Variants in FBN1 observed in about 807,000 individuals in gnomAD.
FBN1 encodes fibrillin 1, also known as fibrillin-1.
A neutral mutation model predicts 365.1 loss-of-function variants in FBN1; 29 were observed. The observed-to-expected ratio is 0.08, with a 90% CI of 0.06 to 0.11. The LOEUF is 0.11. Ranked by LOEUF, FBN1 falls within the 10% of genes least tolerant of loss-of-function variation. The pLI is 1.00. For synonymous variants in FBN1, 1,210 were observed against 1,270.5 expected (o/e 0.95, Z 1.01); for missense variants, 2,476 against 3,703.2 (o/e 0.67, Z 8.60).
intron 60 of FBN1, among the ~76,000 whole-genome samples, chr15:48,422,636 C>G (rs1342727135): frequency 6.6e-6 from 1 of 152,192 alleles, no homozygotes; most frequent in Non-Finnish European, 1.5e-5. Flanking sequence ...AGGAAAAATT[C>G]ATTTTAATAG....
At chr15:48,526,827 T>G (rs868367289) in intron 8 of FBN1, among the ~76,000 whole-genome samples, 5 of 152,204 alleles carry the variant, frequency 3.3e-5, no homozygotes, top group African/African-American at 1.2e-4. Context: ...CTGGGTGCCC[T>G]AACCAACGTC....
intron 15 of FBN1, among the ~76,000 whole-genome samples, chr15:48,507,402 T>G (rs1219878964): frequency 6.6e-6 from 1 of 152,212 alleles, no homozygotes; most frequent in Non-Finnish European, 1.5e-5. Context: ...TCTTCTCATA[T>G]AAGTTCCTCC....
At chr15:48,446,585 T>C (rs554835404) in intron 47 of FBN1, 121 bp downstream of exon 47, 5 of 751,160 alleles carry the variant, frequency 6.7e-6, no homozygotes, top group South Asian at 2.8e-5. Flanking sequence ...CCATAACCAA[T>C]TGTTATGCAT....
intron 6 of FBN1, among the ~76,000 whole-genome samples, chr15:48,593,058 T>A (rs74012209): frequency 0.014 from 2,162 of 152,316 alleles, 48 homozygotes; most frequent in African/African-American, 0.05. Flanking sequence ...CAAGTAAGAC[T>A]AATTGCTTTA....
intron 2 of FBN1, among the ~76,000 whole-genome samples, chr15:48,640,809 C>T (rs987353833): frequency 6.6e-6 from 1 of 152,000 alleles, no homozygotes; most frequent in Non-Finnish European, 1.5e-5. Context: ...TGACAGGAAA[C>T]AGTAATATTT....
At chr15:48,604,114 A>G (rs1321184502) in intron 4 of FBN1, among the ~76,000 whole-genome samples, 1 of 148,306 alleles carries the variant, frequency 6.7e-6, no homozygotes, top group African/African-American at 2.7e-5. Flanking sequence ...ATTCATCAGA[A>G]AAGAACAATG....
At chr15:48,457,273 G>A (rs770992311) in intron 43 of FBN1, among the ~76,000 whole-genome samples, 3 of 152,144 alleles carry the variant, frequency 2.0e-5, no homozygotes, top group Non-Finnish European at 4.4e-5. Flanking sequence ...TGTCAGCTGG[G>A]CTGGGGCTGA....
At chr15:48,634,442 T>C (rs778442356) in intron 2 of FBN1, among the ~76,000 whole-genome samples, 15 of 151,726 alleles carry the variant, frequency 9.9e-5, no homozygotes, top group Admixed American at 2.6e-4. Flanking sequence ...AGTGAAGGGG[T>C]TGTCATCAAT....
At position 48,495,222 on chromosome 15, in the gene FBN1, C is replaced by T; in HGVS notation, c.2578G>A (p.Gly860Arg). Reference protein sequence around the residue: ...KGTCWQTVIDGRCEININGAT... With the variant: ...KGTCWQTVIDRRCEININGAT... ...CCATTGATGTTGATCTCACATCGCC[C>T]ATCAATGACAGTCTGCCAGCAAGTG... The change falls in exon 22 of 66, where the codon GGG (glycine) becomes AGG (arginine). Residue 860 changes from glycine to arginine, a missense_variant. Gly to Arg is a moderately radical substitution (Grantham distance 125). This residue lies in a region of FBN1 where 1,780 missense variants were observed against 2,840.8 expected (regional missense o/e 0.63). Transcript: ENST00000316623. 1 of 1,614,150 alleles carries T rather than the reference C, an allele frequency of 6.2e-7. No individual in the cohort carries two copies. The highest frequency in any genetic ancestry group is 8.5e-7 in the Non-Finnish European group (1 of 1,180,030).
chr15:48,498,956 A>C, intron 18 of FBN1, 29 bp downstream of exon 18: 1 of 1,608,852 alleles, frequency 6.2e-7, no homozygotes, highest in South Asian at 1.1e-5. Context: ...CACATACTGA[A>C]GGTAGTAAAT....
At chr15:48,430,868 T>C in intron 55 of FBN1, 66 bp from the exon 56 acceptor site, 1 of 1,525,044 alleles carries the variant, frequency 6.6e-7, no homozygotes. Context: ...ATTACCTGAC[T>C]TTTAAACATA....
In FBN1 at chr15:48,555,573, T is replaced by C. The variant is rs568580397; in HGVS notation, c.539-17765A>G. Among the ~76,000 whole-genome samples, 18 of 152,300 alleles carry C rather than the reference T, an allele frequency of 1.2e-4. No homozygotes were observed. The South Asian group carries it at 3.7e-3, about 32-fold the overall frequency. ...CTGTACATTGACTATTTGCCAGTCA[T>C]ACCATTTGGCCATGGTCCAAAGAGA... On this transcript the variant is annotated intron_variant, in intron 6 of 65. Coordinates refer to ENST00000316623, the MANE Select transcript of FBN1 (RefSeq NM_000138.5).
In FBN1 at chr15:48,495,554, A is replaced by G. The variant is rs1237796295; in HGVS notation, c.2454T>C (p.Asn818=). 3.1e-6 allele frequency: 5 copies of G among 1,614,102 alleles called. No homozygotes were observed. In the South Asian group the frequency reaches 5.5e-5, roughly 18 times the overall value. Residue 818 remains asparagine (N), a synonymous_variant, in exon 21 of 66, where the codon AAT becomes AAC. Transcript: ENST00000316623. ...AGCCTGGGCTGTTCTTGCAGACTCC[A>G]TTAATGCAAGGACTTGATTCGCATT... ...IDECESSPCI[N]GVCKNSPGSF...
chr15:48,453,536 G>T (rs564258832), intron 44 of FBN1, among the ~76,000 whole-genome samples: 2 of 151,964 alleles, frequency 1.3e-5, no homozygotes, highest in Non-Finnish European at 2.9e-5. Context: ...AATTTTTAGG[G>T]CAATGAGATT....
rs374570475 is a variant in FBN1 at position 48,422,007 on chromosome 15, G to A, written c.7515C>T (p.Gly2505=). 5.6e-6 allele frequency: 9 copies of A among 1,614,052 alleles called. No homozygotes were observed. The highest frequency in any genetic ancestry group is 2.2e-5 in the East Asian group (1 of 44,874). The change falls in exon 61 of 66, where the codon GGC becomes GGT. Residue 2505 remains glycine (G), a synonymous_variant. Coordinates refer to ENST00000316623, the MANE Select transcript of FBN1 (RefSeq NM_000138.5). ...NCQFLCVNTI[G]GFTCKCPPGF... is the part of the protein sequence containing the mutation. ...CGGGAGGACATTTGCATGTGAAGCC[G>A]CCAATGGTGTTAACACATAGGAACT... is the stretch of plus-strand genomic sequence containing the variant.
At chr15:48,512,369 G>T (rs1183797558) in intron 13 of FBN1, among the ~76,000 whole-genome samples, 1 of 152,170 alleles carries the variant, frequency 6.6e-6, no homozygotes. Context: ...GTGCAGGTTT[G>T]TTAAATAGGT....
intron 6 of FBN1, among the ~76,000 whole-genome samples, chr15:48,573,374 G>A (rs1323932203): frequency 6.6e-6 from 1 of 152,036 alleles, no homozygotes; most frequent in Non-Finnish European, 1.5e-5. Context: ...CTATCACATT[G>A]TTGTACTAAC....
At chr15:48,576,777 C>T (rs1397252734) in intron 6 of FBN1, among the ~76,000 whole-genome samples, 1 of 152,080 alleles carries the variant, frequency 6.6e-6, no homozygotes, top group African/African-American at 2.4e-5. Flanking sequence ...AATGTCTGCC[C>T]TCATGGAGTT....
intron 6 of FBN1, among the ~76,000 whole-genome samples, chr15:48,542,576 ACTT>A (rs1295114004): frequency 6.6e-6 from 1 of 152,248 alleles, no homozygotes; most frequent in East Asian, 1.9e-4. Context: ...AACTGCTGTT[ACTT>A]CTTCTTACTG....
Sources: gnomAD v4.1 joint callset for allele counts (sites outside exome capture counted in the v4.1 genomes callset) on GRCh38, gnomAD v4.1.1 for gene constraint, gnomAD v4.1.1 regional missense constraint, MANE v1.5 for transcripts, NCBI Gene and HGNC (gene_info 2026-07-23, HGNC 2026-07-21) for gene names.